Variants in CHRDL2 observed in about 807,000 individuals in gnomAD.
CHRDL2 encodes the protein chordin-like protein 2.
Under a neutral mutation model 54.3 loss-of-function variants are expected in CHRDL2, and 41 were observed. That is an observed-to-expected ratio of 0.76 (90% CI 0.59 to 0.98). CHRDL2 has a LOEUF of 0.98. CHRDL2 is among the 50% of genes least tolerant of loss of function. The pLI, the probability that CHRDL2 is intolerant of heterozygous loss-of-function variation, is 0.00. For synonymous variants in CHRDL2, 220 were observed against 224.3 expected, an observed-to-expected ratio of 0.98 and a Z score of 0.17; for missense variants, 518 against 562.4, an observed-to-expected ratio of 0.92 and a Z score of 0.80.
At chr11:74,703,241 T>C in intron 8 of CHRDL2, 64 bp downstream of exon 8, 1 of 1,515,378 alleles carries the variant, frequency 6.6e-7, no homozygotes, top group East Asian at 2.3e-5. Flanking sequence ...TCTGTGGCCC[T>C]GGGGAGAGAG....
intron 3 of CHRDL2, among the ~76,000 whole-genome samples, chr11:74,712,032 A>G (rs1402567917): frequency 1.3e-5 from 2 of 152,068 alleles, no homozygotes; most frequent in African/African-American, 4.8e-5. Flanking sequence ...GGATGGTCTC[A>G]ATCTCTTGAC....
chr11:74,726,999 T>A lies in CHRDL2; in HGVS notation c.82+3808A>T, dbSNP rs145394135. Among the ~76,000 whole-genome samples the A allele has an allele frequency of 5.0e-3, 759 of 152,228 alleles. 5 individuals carry two copies. Among genetic ancestry groups the A allele is most frequent in the African/African-American group, 0.017 (711 of 41,536 alleles). On this transcript the variant is annotated intron_variant, in intron 1 of 10. Coordinates refer to ENST00000376332, the MANE Select transcript of CHRDL2 (RefSeq NM_001278473.3). ...GGTGTCTGAGGGTCTGCCTGTCCAC[T>A]CCTCCCTGGCAGGGCAGGAGTACCA... is the stretch of plus-strand genomic sequence containing the variant.
intron 3 of CHRDL2, among the ~76,000 whole-genome samples, chr11:74,713,058 C>T (rs758688482): frequency 7.9e-5 from 12 of 152,280 alleles, no homozygotes; most frequent in South Asian, 2.1e-4. Context: ...TCCCAGACTG[C>T]GCCCACACCC....
chr11:74,718,868 G>T (rs1234189074), intron 1 of CHRDL2, 36 bp from the exon 2 acceptor site: 1 of 1,342,762 alleles, frequency 7.4e-7, no homozygotes, highest in Non-Finnish European at 1.1e-6. Flanking sequence ...AGTCCCAGGA[G>T]GCTCCAGCCC....
intron 1 of CHRDL2, among the ~76,000 whole-genome samples, chr11:74,726,431 T>C (rs1453662349): frequency 1.3e-5 from 2 of 152,144 alleles, no homozygotes; most frequent in Non-Finnish European, 2.9e-5. Flanking sequence ...GAAATGGCCT[T>C]AATTTGTAAA....
chr11:74,696,699 G>A, intron 10 of CHRDL2, 114 bp from the exon 11 acceptor site: 1 of 758,218 alleles, frequency 1.3e-6, no homozygotes, highest in Admixed American at 2.2e-5. Context: ...AAGGGCCAGG[G>A]TTTGGAGCCC....
rs547049971 is a variant in CHRDL2, at chr11:74,710,699, A to G, written c.432+150T>C. ...CACCTGACCCAGCTAGGGACAGGAC[A>G]TTCCAAACCCCAGATATTCCCTTTC... On this transcript the variant is annotated intron_variant, in intron 4 of 10. Transcript: ENST00000376332. 2.3e-5 allele frequency: 25 copies of G among 1,091,258 alleles called. No individual in the cohort carries two copies. The South Asian group carries it at 4.7e-4, about 20-fold the overall frequency. The allele number at this position is 1,091,258 out of a possible 1,614,324, so 67.6% of individuals were successfully genotyped here.
At chr11:74,711,758 T>A (rs2034198408) in intron 3 of CHRDL2, among the ~76,000 whole-genome samples, 1 of 152,146 alleles carries the variant, frequency 6.6e-6, no homozygotes, top group Admixed American at 6.5e-5. Context: ...GAGGATCACT[T>A]GACTCTAGGA....
intron 5 of CHRDL2, 101 bp downstream of exon 5, chr11:74,708,201 G>A: frequency 2.6e-6 from 2 of 763,772 alleles, no homozygotes; most frequent in South Asian, 4.3e-5. Context: ...TCTGCTACAT[G>A]CTGGGTGTCA....
intron 1 of CHRDL2, among the ~76,000 whole-genome samples, chr11:74,727,613 C>T (rs561686025): frequency 6.6e-5 from 10 of 152,184 alleles, no homozygotes; most frequent in African/African-American, 2.2e-4. Flanking sequence ...CTATGTTTCT[C>T]AGGCTGGTCT....
At chr11:74,701,476 C>T (rs1417571481) in intron 9 of CHRDL2, 1 of 626,182 alleles carries the variant, frequency 1.6e-6, no homozygotes, top group East Asian at 2.8e-5. Flanking sequence ...CTTCTCCAGG[C>T]TGAACAGCTC....
In CHRDL2 at chr11:74,730,954, C is replaced by A; in HGVS notation, c.-66G>T. On this transcript the variant is annotated 5_prime_UTR_variant, in exon 1 of 11. Coordinates refer to ENST00000376332, the MANE Select transcript of CHRDL2 (RefSeq NM_001278473.3). ...GGGAGGAAGGGAGACGAAAAGGACA[C>A]GGAGGCACAGGGGCCACAGATCAAC... 7.3e-7 allele frequency: 1 copy of A among 1,367,818 alleles called. No homozygotes were observed. Among genetic ancestry groups the A allele is most frequent in the East Asian group, 2.4e-5 (1 of 41,126 alleles). 84.7% of individuals were successfully genotyped at this position (1,367,818 alleles called of 1,614,324 possible).
At chr11:74,722,202 C>T (rs1223857438) in intron 1 of CHRDL2, among the ~76,000 whole-genome samples, 3 of 152,088 alleles carry the variant, frequency 2.0e-5, no homozygotes, top group Admixed American at 6.5e-5. Flanking sequence ...TCCTCTGTGG[C>T]GTTCCCACCT....
chr11:74,720,528 C>A (rs1565158256), intron 1 of CHRDL2, among the ~76,000 whole-genome samples: 1 of 152,210 alleles, frequency 6.6e-6, no homozygotes, highest in Admixed American at 6.5e-5. Flanking sequence ...CCCCACCAGC[C>A]ACCATCCCCG....
At chr11:74,704,693 A>G (rs575289462) in intron 6 of CHRDL2, 39 bp from the exon 7 acceptor site, 224 of 1,588,742 alleles carry the variant, frequency 1.4e-4, no homozygotes, top group Non-Finnish European at 1.8e-4. Flanking sequence ...CTGACTGAGC[A>G]TAGCAGGCCC....
At chr11:74,697,757 A>T in intron 9 of CHRDL2, 1 of 302,592 alleles carries the variant, frequency 3.3e-6, no homozygotes, top group Non-Finnish European at 6.6e-6. Context: ...AGTGGAAGGC[A>T]GGAGGGAGAG....
chr11:74,702,307 G>T (rs956657162), intron 9 of CHRDL2, among the ~76,000 whole-genome samples: 5 of 151,848 alleles, frequency 3.3e-5, no homozygotes, highest in Non-Finnish European at 7.4e-5. Context: ...GGTGATAGCA[G>T]CAGATTGTTG....
chr11:74,729,163 T>C (rs189742874), intron 1 of CHRDL2, among the ~76,000 whole-genome samples: 1 of 152,306 alleles, frequency 6.6e-6, no homozygotes, highest in African/African-American at 2.4e-5. Flanking sequence ...CAATGATATC[T>C]GGAGAAAAAA....
chr11:74,717,109 CAAA>C (rs370739692), intron 2 of CHRDL2, among the ~76,000 whole-genome samples: 32 of 151,638 alleles, frequency 2.1e-4, no homozygotes, highest in African/African-American at 7.8e-4. Context: ...AACAAACAAA[CAAA>C]AAAAAAAAAC....
Sources: gnomAD v4.1 joint callset for allele counts (sites outside exome capture counted in the v4.1 genomes callset) on GRCh38, gnomAD v4.1.1 for gene constraint, MANE v1.5 for transcripts, NCBI Gene and HGNC (gene_info 2026-07-23, HGNC 2026-07-21) for gene names.